The following SH3D19 variants were observed in gnomAD, a reference collection of about 807,000 sequenced individuals.
SH3D19 encodes SH3 domain-containing protein 19.
Under a neutral mutation model 112.1 loss-of-function variants are expected in SH3D19, and 58 were observed. The observed-to-expected ratio is 0.52, with a 90% CI of 0.42 to 0.64. The LOEUF is 0.64. Ranked by LOEUF, SH3D19 falls within the 30% of genes least tolerant of loss-of-function variation. SH3D19 has a pLI of 0.00. For missense variants in SH3D19, 1,090 were observed against 1,263.4 expected (o/e 0.86, Z 2.08); for synonymous variants, 391 against 448.5 (o/e 0.87, Z 1.62).
chr4:151,219,342 T>C (rs1445003442), intron 2 of SH3D19, among the ~76,000 whole-genome samples: 1 of 152,170 alleles, frequency 6.6e-6, no homozygotes. Flanking sequence ...TTCTATCCAC[T>C]GACCCCCACG....
At chr4:151,197,623 T>G (rs1474305509) in intron 2 of SH3D19, among the ~76,000 whole-genome samples, 1 of 152,154 alleles carries the variant, frequency 6.6e-6, no homozygotes, top group African/African-American at 2.4e-5. Context: ...TATTCTCCTG[T>G]GAAAAATAAA....
intron 1 of SH3D19, among the ~76,000 whole-genome samples, chr4:151,320,422 A>G (rs1730420737): frequency 6.6e-6 from 1 of 152,208 alleles, no homozygotes; most frequent in Admixed American, 6.5e-5. Context: ...CAAAGCTTTT[A>G]GGGGACAATA....
intron 2 of SH3D19, among the ~76,000 whole-genome samples, chr4:151,192,960 CTTT>C (rs879452146): frequency 7.0e-6 from 1 of 142,934 alleles, no homozygotes; most frequent in African/African-American, 2.6e-5. Context: ...TCCAATTCTT[CTTT>C]TTTTTTTTTT....
At chr4:151,291,344 G>A (rs377609130) in intron 1 of SH3D19, 2 of 1,613,826 alleles carry the variant, frequency 1.2e-6, no homozygotes, top group African/African-American at 1.3e-5. Flanking sequence ...CGTCCCTCCT[G>A]TGCCTTTGGA....
At chr4:151,300,759 G>C (rs1180146979) in intron 1 of SH3D19, 1 of 152,196 alleles carries the variant, frequency 6.6e-6, no homozygotes, top group African/African-American at 2.4e-5. Flanking sequence ...ATAGAGAATG[G>C]ATTAGAGAAA....
At chr4:151,252,355 T>C (rs1020793698) in intron 1 of SH3D19, among the ~76,000 whole-genome samples, 1 of 152,250 alleles carries the variant, frequency 6.6e-6, no homozygotes, top group African/African-American at 2.4e-5. Context: ...TGTTCCATGA[T>C]GCTAAATCTG....
At chr4:151,180,582 AT>A (rs1404052209) in intron 3 of SH3D19, among the ~76,000 whole-genome samples, 1 of 149,502 alleles carries the variant, frequency 6.7e-6, no homozygotes. Flanking sequence ...AATTTTTTAT[AT>A]TTTTAGTAGA....
chr4:151,139,341 A>G (rs1026837679), intron 13 of SH3D19, among the ~76,000 whole-genome samples: 2 of 150,828 alleles, frequency 1.3e-5, no homozygotes, highest in Non-Finnish European at 2.9e-5. Flanking sequence ...TTTAGTAGAG[A>G]CGGGGTTTCA....
chr4:151,285,064 T>C (rs1237392053), intron 1 of SH3D19, among the ~76,000 whole-genome samples: 4 of 152,122 alleles, frequency 2.6e-5, no homozygotes, highest in African/African-American at 9.7e-5. Flanking sequence ...TGCATGATAA[T>C]GACTGGGGCC....
At chr4:151,314,309 T>G in intron 1 of SH3D19, among the ~76,000 whole-genome samples, 1 of 152,240 alleles carries the variant, frequency 6.6e-6, no homozygotes, top group East Asian at 1.9e-4. Flanking sequence ...ATTCAGATTC[T>G]AAAGGCTTCC....
intron 2 of SH3D19, among the ~76,000 whole-genome samples, chr4:151,219,153 A>G (rs1449401523): frequency 6.6e-6 from 1 of 152,202 alleles, no homozygotes; most frequent in African/African-American, 2.4e-5. Context: ...TTTTGGCAGT[A>G]AGTCAGTTTA....
intron 10 of SH3D19, 128 bp from the exon 11 acceptor site, chr4:151,148,314 A>G: frequency 1.0e-6 from 1 of 999,770 alleles, no homozygotes; most frequent in Non-Finnish European, 1.4e-6. Flanking sequence ...TGCTAGTGGA[A>G]TACAGTTTAC....
chr4:151,293,863 A>G (rs10032413), intron 1 of SH3D19, among the ~76,000 whole-genome samples: 138,099 of 152,114 alleles, frequency 0.91, 63,055 homozygotes, highest in Non-Finnish European at 0.97. Flanking sequence ...TTCTTCAAAC[A>G]TTCTAAGCAC....
rs750286962 is a variant in SH3D19 at position 151,279,868 on chromosome 4, A to T, written c.112+45373T>A. 1.7e-5 allele frequency: 27 copies of T among 1,613,830 alleles called. No individual in the cohort carries two copies. In the African/African-American group the frequency reaches 3.3e-4, roughly 20 times the overall value. ...GCTGCTGCAGGGCGCTGGCCTTGGCAGGTCAGCCTACACTTTGACCACAAC... is the reference window on the plus strand; with the variant it reads ...GCTGCTGCAGGGCGCTGGCCTTGGCTGGTCAGCCTACACTTTGACCACAAC... On this transcript the variant is annotated intron_variant, in intron 1 of 19. Coordinates refer to ENST00000604030, the MANE Select transcript of SH3D19 (RefSeq NM_001378122.1).
intron 13 of SH3D19, among the ~76,000 whole-genome samples, chr4:151,139,015 G>A (rs1752464181): frequency 6.6e-6 from 1 of 151,946 alleles, no homozygotes; most frequent in East Asian, 1.9e-4. Flanking sequence ...TTATAGAGAC[G>A]GGGTTTCAAC....
At position 151,183,149 on chromosome 4, in the gene SH3D19, G is replaced by A. The variant is rs115385252; in HGVS notation, c.194-3752C>T. The stretch of plus-strand genomic sequence containing the variant: ...TGGGATTACAGGTGCCCACCACTGC[G>A]CCGGGTTAATTTTTGTATTTTTAGT... On this transcript the variant is annotated intron_variant, in intron 3 of 19. Coordinates refer to ENST00000604030, the MANE Select transcript of SH3D19 (RefSeq NM_001378122.1). Among the ~76,000 whole-genome samples, 358 of 151,780 alleles carry A rather than the reference G, an allele frequency of 2.4e-3. 1 individual carries two copies. The highest frequency in any genetic ancestry group is 8.4e-3 in the African/African-American group (347 of 41,388).
intron 1 of SH3D19, among the ~76,000 whole-genome samples, chr4:151,265,581 T>C (rs1234251640): frequency 2.0e-4 from 30 of 147,600 alleles, no homozygotes; most frequent in Non-Finnish European, 3.1e-4. Flanking sequence ...TTTTTTTTTT[T>C]TTTTTTTTTT....
chr4:151,207,593 C>T (rs1765299025), intron 2 of SH3D19, among the ~76,000 whole-genome samples: 1 of 152,184 alleles, frequency 6.6e-6, no homozygotes, highest in Admixed American at 6.5e-5. Flanking sequence ...GCCACTATGA[C>T]AGAGGCCTGT....
At position 151,122,085 on chromosome 4, in the gene SH3D19, TCTC is replaced by T. The variant is rs1193230651; in HGVS notation, c.*3_*5del. 1.4e-6 allele frequency: 2 copies of T among 1,418,992 alleles called. No homozygotes were observed. The highest frequency in any genetic ancestry group is 3.4e-5 in the Admixed American group (2 of 58,746). 87.9% of individuals were successfully genotyped at this position (1,418,992 alleles called of 1,614,324 possible). On this transcript the variant is annotated 3_prime_UTR_variant, in exon 20 of 20. Transcript: ENST00000604030. ...TTGTGCCAAGGAACACAGACAAGCT[TCTC>T]CTCTAGCTGATCTGTAGAAACTGTA...
Sources: allele counts gnomAD v4.1 joint callset (sites outside exome capture counted in the v4.1 genomes callset), GRCh38; gene constraint gnomAD v4.1.1; transcripts MANE v1.5; gene names NCBI Gene and HGNC (gene_info 2026-07-23, HGNC 2026-07-21).